Variants in UGT2B7 observed in about 807,000 individuals in gnomAD.
The protein encoded by UGT2B7 is UDP-glucuronosyltransferase 2B7.
Under a neutral mutation model 51.9 loss-of-function variants are expected in UGT2B7, and 51 were observed. The ratio of observed to expected loss-of-function variants is 0.98; its 90% confidence interval spans 0.78 to 1.24. UGT2B7 has a LOEUF of 1.24. UGT2B7 is among the 50% of genes most tolerant of loss of function. The probability of loss-of-function intolerance (pLI) is 0.00; values close to 1 mark genes in which losing one functional copy is unlikely to be tolerated. For missense variants in UGT2B7, 727 were observed against 628.4 expected, an observed-to-expected ratio of 1.16 and a Z score of -1.68; for synonymous variants, 225 against 211.6, an observed-to-expected ratio of 1.06 and a Z score of -0.55.
chr4:69,081,928 T>C (rs1718846977), intron 1 of UGT2B7, among the ~76,000 whole-genome samples: 2 of 152,090 alleles, frequency 1.3e-5, no homozygotes, highest in African/African-American at 4.8e-5. Context: ...CAATTGCACA[T>C]CATGCAAGTC....
chr4:69,056,661 C>G (rs1240440628), intron 1 of UGT2B7, among the ~76,000 whole-genome samples: 1 of 152,132 alleles, frequency 6.6e-6, no homozygotes, highest in Non-Finnish European at 1.5e-5. Context: ...AATTAAGAAC[C>G]TACTTACCGC....
chr4:69,093,775 T>A (rs140163040), upstream of UGT2B7, among the ~76,000 whole-genome samples: 23 of 152,294 alleles, frequency 1.5e-4, no homozygotes, highest in East Asian at 4.4e-3. Flanking sequence ...TGAGGAAATT[T>A]TCCTTGGTTC....
chr4:69,075,675 C>T (rs1287623364), intron 1 of UGT2B7, among the ~76,000 whole-genome samples: 6 of 152,160 alleles, frequency 3.9e-5, no homozygotes, highest in African/African-American at 1.4e-4. Flanking sequence ...CTACCCAACA[C>T]TCAGGCTATG....
At chr4:69,105,219 A>C (rs10028494) in intron 3 of UGT2B7, among the ~76,000 whole-genome samples, 26,911 of 152,032 alleles carry the variant, frequency 0.18, 2,553 homozygotes, top group East Asian at 0.22. Flanking sequence ...AAACAGAAGG[A>C]GGCCAGGCAC....
intron 2 of UGT2B7, among the ~76,000 whole-genome samples, chr4:69,090,191 C>T (rs1719053625): frequency 6.6e-6 from 1 of 152,078 alleles, no homozygotes; most frequent in Non-Finnish European, 1.5e-5. Flanking sequence ...TTCTAGATTT[C>T]CACTATTTGG....
chr4:69,110,775 C>A (rs757713811), intron 5 of UGT2B7, among the ~76,000 whole-genome samples: 4 of 152,036 alleles, frequency 2.6e-5, no homozygotes, highest in African/African-American at 7.2e-5. Context: ...GTTGTGATAT[C>A]CTATACCACA....
chr4:69,109,098 C>CT (rs1229263965), intron 5 of UGT2B7, among the ~76,000 whole-genome samples: 4 of 150,130 alleles, frequency 2.7e-5, no homozygotes, highest in African/African-American at 9.8e-5. Context: ...TACTTCATTT[C>CT]TTTTTATAGC....
In UGT2B7 at chr4:69,112,748, A is replaced by AT; in HGVS notation, c.*15dup. On this transcript the variant is annotated 3_prime_UTR_variant, in exon 6 of 6. Coordinates refer to ENST00000305231, the MANE Select transcript of UGT2B7 (RefSeq NM_001074.4). ...GAAAAAATGATTAGTTATATCTGAG[A>AT]TTTGAAGCTGGAAAACCTGATAGGT... 1 of 1,612,624 alleles carries AT rather than the reference A, an allele frequency of 6.2e-7. No individual in the cohort carries two copies. The highest frequency in any genetic ancestry group is 8.5e-7 in the Non-Finnish European group (1 of 1,179,504).
intron 1 of UGT2B7, among the ~76,000 whole-genome samples, chr4:69,054,033 A>T (rs528398564): frequency 6.6e-6 from 1 of 152,344 alleles, no homozygotes; most frequent in South Asian, 2.1e-4. Flanking sequence ...TTAAAGCTTG[A>T]AATCAAATAG....
At chr4:69,100,195 A>G (rs1169196750) in intron 2 of UGT2B7, among the ~76,000 whole-genome samples, 1 of 152,016 alleles carries the variant, frequency 6.6e-6, no homozygotes, top group Non-Finnish European at 1.5e-5. Context: ...TCGTCTCAAC[A>G]TCATAGCTGC....
At chr4:69,091,151 A>T (rs1719075664) in intron 2 of UGT2B7, among the ~76,000 whole-genome samples, 1 of 152,108 alleles carries the variant, frequency 6.6e-6, no homozygotes, top group Non-Finnish European at 1.5e-5. Context: ...TATTTCATGT[A>T]GAAGTACTTG....
At chr4:69,075,181 G>A (rs1250828268) in intron 1 of UGT2B7, among the ~76,000 whole-genome samples, 1 of 152,032 alleles carries the variant, frequency 6.6e-6, no homozygotes, top group Non-Finnish European at 1.5e-5. Flanking sequence ...TAAATTTGTG[G>A]AATTTTCAGA....
chr4:69,053,797 GTGTGGTGGTAT>G (rs1436758370), intron 1 of UGT2B7, among the ~76,000 whole-genome samples: 1 of 152,166 alleles, frequency 6.6e-6, no homozygotes, highest in South Asian at 2.1e-4. Context: ...CCGAGCAGAT[GTGTGGTGGTAT>G]TGTGGTGGAC....
intron 1 of UGT2B7, among the ~76,000 whole-genome samples, chr4:69,080,509 C>T (rs1209328115): frequency 6.7e-6 from 1 of 149,578 alleles, no homozygotes; most frequent in Non-Finnish European, 1.5e-5. Flanking sequence ...GATCGCAGCA[C>T]TACACTCTGG....
chr4:69,074,449 T>TATA (rs1560502387), intron 1 of UGT2B7, among the ~76,000 whole-genome samples: 2 of 146,462 alleles, frequency 1.4e-5, no homozygotes, highest in African/African-American at 5.2e-5. Flanking sequence ...TATATATAAA[T>TATA]TAAAAATCAA....
chr4:69,065,137 C>T (rs191306166), intron 1 of UGT2B7, among the ~76,000 whole-genome samples: 3 of 152,200 alleles, frequency 2.0e-5, no homozygotes, highest in African/African-American at 7.2e-5. Context: ...TTTAGGCTTT[C>T]CATGTAATCT....
At chr4:69,073,330 T>G (rs1718639771) in intron 1 of UGT2B7, among the ~76,000 whole-genome samples, 1 of 152,204 alleles carries the variant, frequency 6.6e-6, no homozygotes, top group African/African-American at 2.4e-5. Context: ...TTAGTCTGAT[T>G]AATCACTTTT....
At chr4:69,092,798 C>T (rs910485852), upstream of UGT2B7, among the ~76,000 whole-genome samples, 1 of 151,424 alleles carries the variant, frequency 6.6e-6, no homozygotes, top group Non-Finnish European at 1.5e-5. Context: ...TATAGCTATC[C>T]TACATGCAAA....
intron 1 of UGT2B7, 99 bp from the exon 2 acceptor site, chr4:69,098,441 T>C: frequency 7.3e-7 from 1 of 1,374,656 alleles, no homozygotes; most frequent in Non-Finnish European, 9.9e-7. Flanking sequence ...GCACAGATAT[T>C]TGCCTACATT....
Sources: allele counts gnomAD v4.1 joint callset (sites outside exome capture counted in the v4.1 genomes callset), GRCh38; gene constraint gnomAD v4.1.1; transcripts MANE v1.5; gene names NCBI Gene and HGNC (gene_info 2026-07-23, HGNC 2026-07-21).